Variants in TP63 observed in about 807,000 individuals in gnomAD.
TP63 encodes the protein tumor protein p63.
A neutral mutation model predicts 82.8 loss-of-function variants in TP63; 17 were observed. The observed-to-expected ratio is 0.21, with a 90% CI of 0.14 to 0.31. The LOEUF (loss-of-function observed/expected upper bound fraction) is 0.31. Ranked by LOEUF, TP63 falls within the 10% of genes least tolerant of loss-of-function variation. The pLI, the probability that TP63 is intolerant of heterozygous loss-of-function variation, is 1.00. For synonymous variants in TP63, 330 were observed against 321.7 expected (o/e 1.03, Z -0.28); for missense variants, 648 against 895.3 (o/e 0.72, Z 3.52).
At chr3:189,731,362 A>AG (rs1290358796) in intron 1 of TP63, among the ~76,000 whole-genome samples, 4 of 152,184 alleles carry the variant, frequency 2.6e-5, no homozygotes, top group Non-Finnish European at 1.5e-5. Context: ...AGAAAAAAAA[A>AG]GAACACTTAG....
At chr3:189,827,437 G>T (rs1303298103) in intron 4 of TP63, among the ~76,000 whole-genome samples, 1 of 152,090 alleles carries the variant, frequency 6.6e-6, no homozygotes, top group African/African-American at 2.4e-5. Context: ...CTTAGTGCTG[G>T]CACATATAAT....
At chr3:189,624,693 A>G in the TP63 span, among the ~76,000 whole-genome samples, 2 of 152,182 alleles carry the variant, frequency 1.3e-5, no homozygotes, top group African/African-American at 4.8e-5. Flanking sequence ...CTGAATAGAG[A>G]GGGGGTTTTG....
At chr3:189,862,631 G>A (rs6790791) in intron 4 of TP63, among the ~76,000 whole-genome samples, 34,690 of 152,002 alleles carry the variant, frequency 0.23, 6,843 homozygotes, top group African/African-American at 0.54. Context: ...TAGATTATGC[G>A]TTATATACCT....
chr3:189,871,911 G>C (rs776586337), intron 9 of TP63, among the ~76,000 whole-genome samples: 1 of 152,084 alleles, frequency 6.6e-6, no homozygotes, highest in Non-Finnish European at 1.5e-5. Context: ...TGTAGAGAAG[G>C]AGTTTTTTTC....
intron 3 of TP63, among the ~76,000 whole-genome samples, chr3:189,803,389 G>T (rs1178459904): frequency 6.6e-6 from 1 of 152,066 alleles, no homozygotes; most frequent in Non-Finnish European, 1.5e-5. Context: ...CTATTGCATT[G>T]GTCAAATAGC....
intron 3 of TP63, among the ~76,000 whole-genome samples, chr3:189,781,446 G>A (rs1031437158): frequency 2.6e-5 from 4 of 152,074 alleles, no homozygotes; most frequent in South Asian, 2.1e-4. Context: ...GGCTACTAGC[G>A]GACACATATG....
intron 4 of TP63, among the ~76,000 whole-genome samples, chr3:189,852,522 C>T (rs758865841): frequency 1.3e-5 from 2 of 152,146 alleles, no homozygotes; most frequent in African/African-American, 4.8e-5. Flanking sequence ...CATGTTAAAA[C>T]CAAGAAGGCT....
At chr3:189,880,398 G>A (rs1719784472) in intron 10 of TP63, 1 of 1,165,320 alleles carries the variant, frequency 8.6e-7, no homozygotes, top group Non-Finnish European at 1.1e-6. Flanking sequence ...TGCAGATTTT[G>A]TATCCTTAGA....
At chr3:189,712,047 G>A (rs78613081) in intron 1 of TP63, among the ~76,000 whole-genome samples, 90 of 152,292 alleles carry the variant, frequency 5.9e-4, no homozygotes, top group African/African-American at 2.2e-3. Context: ...AAAGTTTCAG[G>A]ACTGAATCTG....
chr3:189,672,659 AGG>A (rs1715008564), intron 1 of TP63, among the ~76,000 whole-genome samples: 3 of 111,114 alleles, frequency 2.7e-5, no homozygotes, highest in African/African-American at 9.8e-5. Flanking sequence ...GGAGGAAGGA[AGG>A]AAAGAAGGAA....
chr3:189,890,904 C>T (rs763385631), intron 13 of TP63, 22 bp downstream of exon 13: 2 of 1,605,874 alleles, frequency 1.2e-6, no homozygotes, highest in Non-Finnish European at 1.7e-6. Context: ...TTAGACTTTT[C>T]TCAAATTTTA....
At chr3:189,754,610 G>A (rs891033152) in intron 3 of TP63, among the ~76,000 whole-genome samples, 1 of 152,192 alleles carries the variant, frequency 6.6e-6, no homozygotes, top group Admixed American at 6.6e-5. Flanking sequence ...CAAGAAGGTT[G>A]AAAGGATCTG....
intron 4 of TP63, among the ~76,000 whole-genome samples, chr3:189,822,433 A>G (rs1728891780): frequency 6.6e-6 from 1 of 152,224 alleles, no homozygotes; most frequent in Non-Finnish European, 1.5e-5. Context: ...AATGGTCCAT[A>G]GAAGACATAT....
At chr3:189,670,442 A>G (rs1714792710) in intron 1 of TP63, among the ~76,000 whole-genome samples, 1 of 152,156 alleles carries the variant, frequency 6.6e-6, no homozygotes, top group Non-Finnish European at 1.5e-5. Context: ...TATGGAAATC[A>G]TGCAAATTGT....
At chr3:189,661,299 C>G (rs1713860948) in intron 1 of TP63, among the ~76,000 whole-genome samples, 2 of 151,934 alleles carry the variant, frequency 1.3e-5, no homozygotes, top group South Asian at 4.1e-4. Flanking sequence ...TGGATTTTAT[C>G]TAAATCTTTC....
At chr3:189,699,325 T>C (rs1368139112) in intron 1 of TP63, among the ~76,000 whole-genome samples, 1 of 152,202 alleles carries the variant, frequency 6.6e-6, no homozygotes, top group East Asian at 1.9e-4. Context: ...CTCAAAGTTA[T>C]TGCTCTTTAC....
At chr3:189,624,005 A>G in the TP63 span, among the ~76,000 whole-genome samples, 1 of 152,334 alleles carries the variant, frequency 6.6e-6, no homozygotes, top group South Asian at 2.1e-4. Flanking sequence ...GCTTTAGCAC[A>G]AGTATGGAAC....
intron 1 of TP63, among the ~76,000 whole-genome samples, chr3:189,734,397 C>G (rs1720422867): frequency 6.6e-6 from 1 of 152,088 alleles, no homozygotes. Context: ...CCTGCCCTCT[C>G]CAGTCTGAAT....
chr3:189,623,276 TC>T, the TP63 span, among the ~76,000 whole-genome samples: 5 of 152,214 alleles, frequency 3.3e-5, no homozygotes. Context: ...AAAGAGAGGT[TC>T]AGCAACAGCT....
Sources: allele counts gnomAD v4.1 joint callset (sites outside exome capture counted in the v4.1 genomes callset), GRCh38; gene constraint gnomAD v4.1.1; transcripts MANE v1.5; gene names NCBI Gene and HGNC (gene_info 2026-07-23, HGNC 2026-07-21).